The following PDE6G variants were observed in gnomAD, a reference collection of about 807,000 sequenced individuals.
PDE6G encodes rod cGMP 3',5'-cyclic phosphodiesterase subunit gamma.
Under a neutral mutation model 10.9 loss-of-function variants are expected in PDE6G, and 10 were observed. The observed-to-expected ratio is 0.91, with a 90% CI of 0.56 to 1.55. PDE6G has a LOEUF of 1.55. Ranked by LOEUF, PDE6G falls within the 40% of genes most tolerant of loss-of-function variation. PDE6G has a pLI of 0.00. For synonymous variants in PDE6G, 41 were observed against 42.8 expected (o/e 0.96, Z 0.16); for missense variants, 102 against 110.1 (o/e 0.93, Z 0.33).
Position 81,653,418 on chromosome 17 carries a change from T to C in PDE6G, c.-59-54A>G, listed in dbSNP as rs2036398434. ...TCAGCCCTCCTGCTTCCAACCCTTG[T>C]GGGGGTCTCAACCCACCGGTGGAGG... On this transcript the variant is annotated intron_variant, in intron 1 of 3. Transcript: ENST00000331056. This position sits in a 1 kb window ranked among gnomAD's most constrained non-coding sequence, Gnocchi z 5.2. 7.7e-7 allele frequency: 1 copy of C among 1,304,440 alleles called. No individual in the cohort carries two copies. Among genetic ancestry groups the C allele is most frequent in the Non-Finnish European group, 1.1e-6 (1 of 937,004 alleles). 80.8% of individuals were successfully genotyped at this position (1,304,440 alleles called of 1,614,324 possible). A position where few individuals can be genotyped will look rare whatever the true frequency, so the allele number is the denominator to read the frequency against.
Position 81,651,548 on chromosome 17 carries a change from G to A in PDE6G, c.187+97C>T, listed in dbSNP as rs183900269. Reference sequence around the variant, plus strand: ...GGGTCCCTAAGTGAAAAGCAGGGGAGGTGGGGGCCGAGGTGGGCTGCAATG... The same window carrying A: ...GGGTCCCTAAGTGAAAAGCAGGGGAAGTGGGGGCCGAGGTGGGCTGCAATG... On this transcript the variant is annotated intron_variant, in intron 3 of 3. Transcript: ENST00000331056. This position sits in a 1 kb window ranked among gnomAD's most constrained non-coding sequence, Gnocchi z 4.8. 3.4e-4 allele frequency: 367 copies of A among 1,088,248 alleles called. 3 individuals are homozygous for A. The East Asian group carries it at 8.3e-3, about 25-fold the overall frequency. 67.4% of individuals were successfully genotyped at this position (1,088,248 alleles called of 1,614,324 possible). A position where few individuals can be genotyped will look rare whatever the true frequency, so the allele number is the denominator to read the frequency against.
chr17:81,653,388 C>G lies in PDE6G; in HGVS notation c.-59-24G>C. The G allele has an allele frequency of 6.6e-7, 1 of 1,511,426 alleles. No individual in the cohort carries two copies. The highest frequency in any genetic ancestry group is 9.0e-7 in the Non-Finnish European group (1 of 1,111,192). 93.6% of individuals were successfully genotyped at this position (1,511,426 alleles called of 1,614,324 possible). ...GTCTGGGGGCAGACCAGGCCCGGGTCCCAGTCAGCCCTCCTGCTTCCAACC... is the reference window on the plus strand; with the variant it reads ...GTCTGGGGGCAGACCAGGCCCGGGTGCCAGTCAGCCCTCCTGCTTCCAACC... On this transcript the variant is annotated intron_variant, in intron 1 of 3. Transcript: ENST00000331056. This position sits in a 1 kb window ranked among gnomAD's most constrained non-coding sequence, Gnocchi z 5.2.
chr17:81,662,671 G>C (rs1025904509), intron 1 of PDE6G, among the ~76,000 whole-genome samples: 1 of 152,082 alleles, frequency 6.6e-6, no homozygotes, highest in Admixed American at 6.6e-5. Flanking sequence ...GATACTTTTG[G>C]TTTATAGCTC....
At chr17:81,655,350 G>A (rs1435036080) in intron 1 of PDE6G, among the ~76,000 whole-genome samples, 1 of 152,252 alleles carries the variant, frequency 6.6e-6, no homozygotes, top group Non-Finnish European at 1.5e-5. Flanking sequence ...TGGGGACGGA[G>A]GGTGCCGGGC....
upstream of PDE6G, among the ~76,000 whole-genome samples, chr17:81,659,316 T>C (rs887024219): frequency 1.5e-4 from 23 of 151,980 alleles, no homozygotes; most frequent in East Asian, 1.9e-4. Context: ...AACTCTGAAA[T>C]AGTAAAATAG....
chr17:81,655,470 C>T (rs977469786), intron 1 of PDE6G, among the ~76,000 whole-genome samples: 2 of 152,248 alleles, frequency 1.3e-5, no homozygotes, highest in African/African-American at 4.8e-5. Context: ...GGGCCTCGGC[C>T]GCTCTGGACG....
chr17:81,662,352 G>C (rs1466046827), intron 1 of PDE6G, among the ~76,000 whole-genome samples: 1 of 152,172 alleles, frequency 6.6e-6, no homozygotes, highest in African/African-American at 2.4e-5. Context: ...GCCAGGCATG[G>C]TGGCTCACAC....
At position 81,651,087 on chromosome 17, in the gene PDE6G, T is replaced by C; in HGVS notation, c.251A>G (p.Tyr84Cys). 1 of 1,612,854 alleles carries C rather than the reference T, an allele frequency of 6.2e-7. No individual in the cohort carries two copies. Among genetic ancestry groups the C allele is most frequent in the East Asian group, 2.2e-5 (1 of 44,868 alleles). ...CAGGGCCTCGTGCTAGATGATGCCATATTGGGCCAGCTCGTGCAGCTCCAG... is the reference window on the plus strand; with the variant it reads ...CAGGGCCTCGTGCTAGATGATGCCACATTGGGCCAGCTCGTGCAGCTCCAG... ...NHLELHELAQ[Y>C]GII is the part of the protein sequence containing the mutation. Residue 84 changes from tyrosine (Y) to cysteine (C), a missense_variant, in exon 4 of 4, where the codon TAT becomes TGT. Transcript: ENST00000331056. The surrounding 1 kb of genome is among the most constrained non-coding windows in gnomAD (Gnocchi z 4.8).
rs60909116 is a variant in PDE6G, at chr17:81,650,758, C to G, written c.*316G>C. ...GACGATCTGGGGTCCAGCAGGCTCC[C>G]GGGCTGGGGTCCACTTCCCGTTCTC... On this transcript the variant is annotated 3_prime_UTR_variant, in exon 4 of 4. Coordinates refer to ENST00000331056, the MANE Select transcript of PDE6G (RefSeq NM_002602.4). The G allele has an allele frequency of 2.1e-6, 1 of 483,654 alleles. No individual in the cohort carries two copies. Among genetic ancestry groups the G allele is most frequent in the Non-Finnish European group, 4.1e-6 (1 of 245,956 alleles). The allele number at this position is 483,654 out of a possible 1,614,324, so 30.0% of individuals were successfully genotyped here.
At chr17:81,654,547 T>C (rs1225090581) in intron 1 of PDE6G, among the ~76,000 whole-genome samples, 1 of 151,672 alleles carries the variant, frequency 6.6e-6, no homozygotes, top group African/African-American at 2.4e-5. Flanking sequence ...ACCCAGCTAA[T>C]TTTTCTTTGT....
chr17:81,661,887 C>T (rs556639896), intron 1 of PDE6G, among the ~76,000 whole-genome samples: 12 of 148,696 alleles, frequency 8.1e-5, no homozygotes, highest in African/African-American at 1.2e-4. Context: ...AAAAATCAGC[C>T]GGGCATGGTG....
At chr17:81,659,564 A>G (rs998909343), upstream of PDE6G, among the ~76,000 whole-genome samples, 7 of 152,078 alleles carry the variant, frequency 4.6e-5, no homozygotes, top group Non-Finnish European at 8.8e-5. Flanking sequence ...GCGCCACTGC[A>G]CTCCAACCTG....
chr17:81,653,343 C>CT lies in PDE6G; in HGVS notation c.-39dup, dbSNP rs1453993629. 6.2e-7 allele frequency: 1 copy of CT among 1,606,236 alleles called. No homozygotes were observed. The highest frequency in any genetic ancestry group is 8.5e-7 in the Non-Finnish European group (1 of 1,179,458). ...GGAGACACCGCGGCAACCTTGGCTC[C>CT]TGGACTCCCTCCTGCTGCGGTCTGG... On this transcript the variant is annotated 5_prime_UTR_variant, in exon 2 of 4. Coordinates refer to ENST00000331056, the MANE Select transcript of PDE6G (RefSeq NM_002602.4). The surrounding 1 kb of genome is among the most constrained non-coding windows in gnomAD (Gnocchi z 5.2).
chr17:81,650,785 C>CACTCT lies in PDE6G; in HGVS notation c.*288_*289insAGAGT. 1 of 525,702 alleles carries CACTCT rather than the reference C, an allele frequency of 1.9e-6. No individual in the cohort carries two copies. The highest frequency in any genetic ancestry group is 4.5e-5 in the East Asian group (1 of 22,336). 32.6% of individuals were successfully genotyped at this position (525,702 alleles called of 1,614,324 possible). A position where few individuals can be genotyped will look rare whatever the true frequency, so the allele number is the denominator to read the frequency against. The stretch of plus-strand genomic sequence containing the variant: ...GGCTGGGGTCCACTTCCCGTTCTCC[C>CACTCT]TGGGAGTGGAGACCGACCAAGCCTC... On this transcript the variant is annotated 3_prime_UTR_variant, in exon 4 of 4. Transcript: ENST00000331056.
At position 81,650,996 on chromosome 17, in the gene PDE6G, C is replaced by T; in HGVS notation, c.*78G>A. 4 of 1,100,366 alleles carry T rather than the reference C, an allele frequency of 3.6e-6. No individual in the cohort carries two copies. Among genetic ancestry groups the T allele is most frequent in the Non-Finnish European group, 4.2e-6 (3 of 713,144 alleles). The allele number at this position is 1,100,366 out of a possible 1,614,324, so 68.2% of individuals were successfully genotyped here. On this transcript the variant is annotated 3_prime_UTR_variant, in exon 4 of 4. Transcript: ENST00000331056. ...TGCCATCTGGGCTAGGGAGGCATCT[C>T]CTCAACAGGAATCCTGAGCAGGGTT...
rs561492793 is a variant in PDE6G at position 81,654,445 on chromosome 17, T to C, written c.-59-1081A>G. ...CCCAGGTTGGAGTGCAGTGGCGAGA[T>C]CTTGGCTCACTGCAACTTCTGCCTC... On this transcript the variant is annotated intron_variant, in intron 1 of 3. Transcript: ENST00000331056. Among the ~76,000 whole-genome samples, 18 of 147,100 alleles carry C rather than the reference T, an allele frequency of 1.2e-4. No homozygotes were observed. In the South Asian group the frequency reaches 3.7e-3, roughly 30 times the overall value.
rs754875390 is a variant in PDE6G at position 81,651,793 on chromosome 17, G to T, written c.147-108C>A. Reference sequence around the variant, plus strand: ...CCTAGGAGATGAGGTGTTTGGCTGGGAGCCCAGTGGGCAGAGACCCGCCTC... The same window carrying T: ...CCTAGGAGATGAGGTGTTTGGCTGGTAGCCCAGTGGGCAGAGACCCGCCTC... On this transcript the variant is annotated intron_variant, in intron 2 of 3. Coordinates refer to ENST00000331056, the MANE Select transcript of PDE6G (RefSeq NM_002602.4). This position sits in a 1 kb window ranked among gnomAD's most constrained non-coding sequence, Gnocchi z 4.8. 4.0e-6 allele frequency: 5 copies of T among 1,259,896 alleles called. No individual in the cohort carries two copies. Among genetic ancestry groups the T allele is most frequent in the Non-Finnish European group, 5.7e-6 (5 of 882,594 alleles). The allele number at this position is 1,259,896 out of a possible 1,614,324, so 78.0% of individuals were successfully genotyped here. A position where few individuals can be genotyped will look rare whatever the true frequency, so the allele number is the denominator to read the frequency against.
At chr17:81,652,450 G>T (rs973983409) in intron 2 of PDE6G, among the ~76,000 whole-genome samples, 13 of 150,822 alleles carry the variant, frequency 8.6e-5, no homozygotes, top group Admixed American at 4.6e-4. Context: ...CTAATTTTTT[G>T]TATTTTTTAG....
chr17:81,662,490 G>GTACA lies in PDE6G; in HGVS notation c.-60+568_-60+569insTGTA, dbSNP rs1318685447. On this transcript the variant is annotated intron_variant, in intron 1 of 3. Transcript: ENST00000571224. The stretch of plus-strand genomic sequence containing the variant: ...ATATAAAAATTAGCCAGACGCTGTG[G>GTACA]GGCACGCCTGTAGTCCCAGCTACTT... Among the ~76,000 whole-genome samples the GTACA allele has an allele frequency of 2.0e-5, 3 of 152,126 alleles. No homozygotes were observed. In the East Asian group the frequency reaches 5.8e-4, roughly 29 times the overall value.
Sources: allele counts gnomAD v4.1 joint callset (sites outside exome capture counted in the v4.1 genomes callset), GRCh38; gene constraint gnomAD v4.1.1; non-coding constraint Gnocchi (gnomAD v3.1); transcripts MANE v1.5; gene names NCBI Gene and HGNC (gene_info 2026-07-23, HGNC 2026-07-21).